PUDP: variants seen among roughly 807,000 people sequenced by gnomAD.
PUDP encodes pseudouridine 5'-phosphatase, also known as pseudouridine-5'-phosphatase.
PUDP carries 8 observed loss-of-function variants against 9.4 expected under a neutral mutation model. The observed-to-expected ratio is 0.85, with a 90% CI of 0.50 to 1.53. The LOEUF is 1.53. Ranked by LOEUF, PUDP falls within the 40% of genes most tolerant of loss-of-function variation. The pLI, the probability that PUDP is intolerant of heterozygous loss-of-function variation, is 0.00. For synonymous variants in PUDP, 99 were observed against 80.7 expected, an observed-to-expected ratio of 1.23 and a Z score of -1.22; for missense variants, 188 against 189.7, an observed-to-expected ratio of 0.99 and a Z score of 0.05.
chrX:6,866,382 A>G (rs1231906367), intron 3 of PUDP, among the ~76,000 whole-genome samples: 4 of 111,235 alleles, frequency 3.6e-5, no homozygotes, highest in Admixed American at 9.6e-5. Flanking sequence ...TTTTAATTCA[A>G]TGTTTGCTAC....
intron 2 of PUDP, among the ~76,000 whole-genome samples, chrX:6,977,246 A>T (rs1928969762): frequency 8.9e-6 from 1 of 111,787 alleles, no homozygotes; most frequent in Non-Finnish European, 1.9e-5. Context: ...GCCTTACCTT[A>T]GAGGAGCAGA....
intron 1 of PUDP, among the ~76,000 whole-genome samples, chrX:7,146,932 G>A (rs765051255): frequency 1.3e-4 from 14 of 107,786 alleles, no homozygotes; most frequent in Non-Finnish European, 1.9e-4. Flanking sequence ...TAACCAAGCA[G>A]GTCAGCTGTC....
Position 6,854,553 on chromosome X carries a change from A to G in PUDP, c.*247+122580T>C, listed in dbSNP as rs751791815. Among the ~76,000 whole-genome samples, 5 of 112,331 alleles carry G rather than the reference A, an allele frequency of 4.5e-5. No homozygotes were observed. In the Admixed American group the frequency reaches 4.7e-4, roughly 11 times the overall value. ...AAATATAACTTTTGGCTCCCCAAAA[A>G]CTTAACTACTAACAGCTTACTGTTG... On this transcript the variant is annotated intron_variant and NMD_transcript_variant, in intron 3 of 3. Transcript: ENST00000655425.
chrX:6,723,672 AAAAAC>A (rs760206977), upstream of PUDP, among the ~76,000 whole-genome samples: 1,029 of 99,811 alleles, frequency 0.01, 6 homozygotes, highest in Non-Finnish European at 0.012. Context: ...ACCCCACCAA[AAAAAC>A]AAAACAAAAC....
At chrX:6,886,349 T>C (rs1433651358) in intron 3 of PUDP, among the ~76,000 whole-genome samples, 1 of 112,184 alleles carries the variant, frequency 8.9e-6, no homozygotes, top group Non-Finnish European at 1.9e-5. Context: ...CCTGTCTTGA[T>C]ATCAGATGAA....
chrX:6,791,502 T>A, intron 3 of PUDP, among the ~76,000 whole-genome samples: 1 of 111,385 alleles, frequency 9.0e-6, no homozygotes, highest in Non-Finnish European at 1.9e-5. Context: ...GACCTTGAGA[T>A]GAAAAGATTA....
intron 1 of PUDP, among the ~76,000 whole-genome samples, chrX:6,988,103 C>T (rs1222290844): frequency 1.8e-5 from 2 of 112,025 alleles, no homozygotes; most frequent in Non-Finnish European, 3.8e-5. Context: ...AGGGCAACCT[C>T]GTGGGTCTGC....
Position 6,965,698 on chromosome X carries a change from A to G in PUDP, c.*247+11435T>C, listed in dbSNP as rs754287514. On this transcript the variant is annotated intron_variant and NMD_transcript_variant, in intron 3 of 3. Transcript: ENST00000655425. ...TTATACACAAAATAATTAGGCATAC[A>G]GTATATAAAACCCAATCCTCTCTTC... is the stretch of plus-strand genomic sequence containing the variant. Among the ~76,000 whole-genome samples the G allele has an allele frequency of 5.2e-4, 58 of 112,561 alleles. 1 individual carries two copies. Among genetic ancestry groups the G allele is most frequent in the Non-Finnish European group, 9.6e-4 (51 of 53,332 alleles).
chrX:7,104,350 G>A (rs1224793026), intron 2 of PUDP, among the ~76,000 whole-genome samples: 2 of 111,964 alleles, frequency 1.8e-5, no homozygotes, highest in East Asian at 5.6e-4. Context: ...ATGGAGAGTA[G>A]TAAAAATCTT....
At chrX:6,836,881 G>T (rs917260605) in intron 3 of PUDP, among the ~76,000 whole-genome samples, 1 of 112,189 alleles carries the variant, frequency 8.9e-6, no homozygotes, top group African/African-American at 3.2e-5. Context: ...GGTCTCTACT[G>T]GAGGCTCAGA....
At chrX:6,993,872 A>T (rs959854743) in intron 1 of PUDP, among the ~76,000 whole-genome samples, 1 of 111,731 alleles carries the variant, frequency 9.0e-6, no homozygotes, top group Non-Finnish European at 1.9e-5. Context: ...ATCTTCATGG[A>T]GTGGGATGTC....
At chrX:6,836,567 A>G (rs974469914) in intron 3 of PUDP, among the ~76,000 whole-genome samples, 1 of 112,263 alleles carries the variant, frequency 8.9e-6, no homozygotes, top group African/African-American at 3.2e-5. Flanking sequence ...AATTCTGCCA[A>G]TCTTCAAAGT....
intron 3 of PUDP, among the ~76,000 whole-genome samples, chrX:6,734,510 C>T (rs747814440): frequency 9.8e-5 from 11 of 112,065 alleles, no homozygotes; most frequent in Middle Eastern, 4.2e-3. Context: ...GGCTGGCTCA[C>T]GCCTGTAATC....
At chrX:7,061,699 C>A (rs1930408229) in intron 3 of PUDP, among the ~76,000 whole-genome samples, 1 of 106,903 alleles carries the variant, frequency 9.4e-6, no homozygotes, top group Admixed American at 1.0e-4. Flanking sequence ...TGGAATAATT[C>A]ATATATTGAA....
chrX:6,810,868 C>T lies in PUDP; in HGVS notation c.*248-104402G>A, dbSNP rs144582812. 6.3e-3 allele frequency among the ~76,000 whole-genome samples: 698 copies of T among 111,614 alleles called. 7 individuals are homozygous for T. Among genetic ancestry groups the T allele is most frequent in the African/African-American group, 0.021 (655 of 30,681 alleles). ...TGTCCCCAACTCTGCCCACTACAGC[C>T]CCAGGTTCTTTCCACCACCCACATG... On this transcript the variant is annotated intron_variant and NMD_transcript_variant, in intron 3 of 3. Coordinates refer to the PUDP transcript ENST00000655425.
chrX:7,081,720 A>G (rs766176933), intron 2 of PUDP, among the ~76,000 whole-genome samples: 1 of 113,409 alleles, frequency 8.8e-6, no homozygotes, highest in Non-Finnish European at 1.9e-5. Context: ...ACATCCGTCA[A>G]TTATACGCCC....
chrX:6,914,036 G>A (rs777623553), intron 3 of PUDP, among the ~76,000 whole-genome samples: 69 of 108,436 alleles, frequency 6.4e-4, no homozygotes, highest in African/African-American at 2.1e-3. Flanking sequence ...GCGTGGTGGC[G>A]GGCACCTGTA....
At chrX:7,050,574 A>G in intron 3 of PUDP, 102 bp from the exon 4 acceptor site, 2 of 747,947 alleles carry the variant, frequency 2.7e-6, no homozygotes, top group African/African-American at 2.1e-5. Context: ...ACTGTGCAGA[A>G]AGAGACAGAA....
intron 3 of PUDP, among the ~76,000 whole-genome samples, chrX:6,901,327 A>T: frequency 8.9e-6 from 1 of 112,336 alleles, no homozygotes; most frequent in East Asian, 2.8e-4. Flanking sequence ...ACACTCAAGG[A>T]GATGCCTCCT....
Sources: gnomAD v4.1 joint callset for allele counts (sites outside exome capture counted in the v4.1 genomes callset) on GRCh38, gnomAD v4.1.1 for gene constraint, MANE v1.5 for transcripts, NCBI Gene and HGNC (gene_info 2026-07-23, HGNC 2026-07-21) for gene names.